Variants in GALNT13 observed in about 807,000 individuals in gnomAD.
The protein encoded by GALNT13 is polypeptide N-acetylgalactosaminyltransferase 13, also known as UDP-GalNAc:polypeptide N-acetylgalactosaminyltransferase 13.
A neutral mutation model predicts 64.2 loss-of-function variants in GALNT13; 28 were observed. The observed-to-expected ratio is 0.44, with a 90% CI of 0.32 to 0.60. The LOEUF (loss-of-function observed/expected upper bound fraction) is 0.60. GALNT13 is among the 20% of genes least tolerant of loss of function. The pLI is 0.05. For synonymous variants in GALNT13, 214 were observed against 224.6 expected, an observed-to-expected ratio of 0.95 and a Z score of 0.42; for missense variants, 577 against 669.8, an observed-to-expected ratio of 0.86 and a Z score of 1.53.
intron 3 of GALNT13, among the ~76,000 whole-genome samples, chr2:154,010,184 C>T (rs906814353): frequency 1.1e-4 from 16 of 151,822 alleles, no homozygotes; most frequent in Admixed American, 6.6e-4. Flanking sequence ...CTTGCTAAGA[C>T]GCTTCCATCT....
chr2:153,861,987 C>T, the GALNT13 span, among the ~76,000 whole-genome samples: 3 of 152,122 alleles, frequency 2.0e-5, no homozygotes, highest in Admixed American at 1.3e-4. Flanking sequence ...GGAGGAAGTA[C>T]TATTTTCAGT....
chr2:153,796,273 C>G, the GALNT13 span, among the ~76,000 whole-genome samples: 1 of 152,150 alleles, frequency 6.6e-6, no homozygotes, highest in Non-Finnish European at 1.5e-5. Flanking sequence ...TCAATTATCG[C>G]AAGAAGAGAG....
chr2:153,675,455 A>G, the GALNT13 span, among the ~76,000 whole-genome samples: 2 of 152,292 alleles, frequency 1.3e-5, no homozygotes, highest in African/African-American at 4.8e-5. Context: ...CAGAAAACCA[A>G]ACACCGCATG....
the GALNT13 span, among the ~76,000 whole-genome samples, chr2:153,174,369 C>T: frequency 6.6e-6 from 1 of 152,138 alleles, no homozygotes; most frequent in South Asian, 2.1e-4. Context: ...AGTGTTTATG[C>T]TGAGATGACT....
the GALNT13 span, among the ~76,000 whole-genome samples, chr2:153,701,909 G>A: frequency 3.0e-4 from 46 of 152,254 alleles, 2 homozygotes; most frequent in Admixed American, 2.6e-3. Flanking sequence ...AACCACGGTG[G>A]AAGATAGTGT....
the GALNT13 span, among the ~76,000 whole-genome samples, chr2:153,401,884 T>G: frequency 6.6e-6 from 1 of 152,164 alleles, no homozygotes; most frequent in Non-Finnish European, 1.5e-5. Context: ...TTAATCCAAT[T>G]TGCCAGTCTG....
At chr2:153,549,331 C>T in the GALNT13 span, among the ~76,000 whole-genome samples, 8 of 152,200 alleles carry the variant, frequency 5.3e-5, no homozygotes, top group African/African-American at 9.6e-5. Flanking sequence ...GTAAAGTTCC[C>T]GTATTATTTA....
the GALNT13 span, among the ~76,000 whole-genome samples, chr2:153,471,490 C>T: frequency 2.0e-4 from 30 of 152,138 alleles, no homozygotes; most frequent in South Asian, 1.7e-3. Context: ...ATGTTTAGTC[C>T]TCCCTCTCAG....
the GALNT13 span, among the ~76,000 whole-genome samples, chr2:153,682,618 A>G: frequency 6.6e-6 from 1 of 151,828 alleles, no homozygotes; most frequent in Non-Finnish European, 1.5e-5. Flanking sequence ...ATGATTACAT[A>G]AGAGCACAAG....
At chr2:153,426,633 A>G in the GALNT13 span, among the ~76,000 whole-genome samples, 1 of 152,040 alleles carries the variant, frequency 6.6e-6, no homozygotes, top group Non-Finnish European at 1.5e-5. Flanking sequence ...TTATTGCTCA[A>G]ATTCTTCCAG....
chr2:154,396,732 T>C (rs1269135408), intron 10 of GALNT13, among the ~76,000 whole-genome samples: 1 of 152,076 alleles, frequency 6.6e-6, no homozygotes, highest in East Asian at 1.9e-4. Flanking sequence ...AAAACTCTTA[T>C]ACACTCAGGA....
At chr2:154,208,452 T>C (rs1423542847) in intron 4 of GALNT13, among the ~76,000 whole-genome samples, 1 of 152,154 alleles carries the variant, frequency 6.6e-6, no homozygotes, top group Non-Finnish European at 1.5e-5. Flanking sequence ...TATTAGGTAA[T>C]AGTTACTGAG....
chr2:154,293,151 C>T (rs968991018), intron 8 of GALNT13, among the ~76,000 whole-genome samples: 2 of 152,022 alleles, frequency 1.3e-5, no homozygotes, highest in African/African-American at 4.8e-5. Flanking sequence ...TGTTGAAAGC[C>T]TAGAAAATAA....
At chr2:154,138,614 T>C (rs916771626) in intron 3 of GALNT13, among the ~76,000 whole-genome samples, 2 of 150,624 alleles carry the variant, frequency 1.3e-5, no homozygotes, top group African/African-American at 4.9e-5. Flanking sequence ...TTATGGTTAA[T>C]AGGAGCGCCC....
chr2:153,983,163 T>C (rs1694582947), intron 3 of GALNT13, among the ~76,000 whole-genome samples: 1 of 151,930 alleles, frequency 6.6e-6, no homozygotes, highest in Non-Finnish European at 1.5e-5. Context: ...CAAAATTTGC[T>C]GTAGTTTCTT....
chr2:154,317,231 A>C (rs1347776848), intron 9 of GALNT13, among the ~76,000 whole-genome samples: 1 of 151,864 alleles, frequency 6.6e-6, no homozygotes, highest in Non-Finnish European at 1.5e-5. Context: ...AAAAAGAAGA[A>C]TGGTGTAGGG....
chr2:153,473,991 T>G, the GALNT13 span, among the ~76,000 whole-genome samples: 3 of 152,172 alleles, frequency 2.0e-5, no homozygotes, highest in Non-Finnish European at 4.4e-5. Context: ...AAATTTAAGG[T>G]GCTGGTGAGA....
the GALNT13 span, among the ~76,000 whole-genome samples, chr2:153,555,489 C>T: frequency 4.8e-5 from 5 of 104,552 alleles, 2 homozygotes; most frequent in African/African-American, 1.2e-4. Flanking sequence ...CCACCGCGCC[C>T]GGCCCAGAAG....
At chr2:154,149,693 T>C (rs1226550982) in intron 4 of GALNT13, among the ~76,000 whole-genome samples, 1 of 152,190 alleles carries the variant, frequency 6.6e-6, no homozygotes. Context: ...GAAGCAATTG[T>C]GAATGGGAGT....
Sources: gnomAD v4.1 joint callset for allele counts (sites outside exome capture counted in the v4.1 genomes callset) on GRCh38, gnomAD v4.1.1 for gene constraint, MANE v1.5 for transcripts, NCBI Gene and HGNC (gene_info 2026-07-23, HGNC 2026-07-21) for gene names.